The following TES variants were observed in gnomAD, a reference collection of about 807,000 sequenced individuals.
TES encodes testin.
In TES, 41 loss-of-function variants were observed where a neutral mutation model predicts 48.2. The observed-to-expected ratio is 0.85, with a 90% CI of 0.66 to 1.10. The LOEUF (loss-of-function observed/expected upper bound fraction) is 1.10, where lower values mean the gene tolerates loss of function less well. TES is among the 50% of genes least tolerant of loss of function. TES has a pLI of 0.00. For missense variants in TES, 463 were observed against 515.1 expected (o/e 0.90, Z 0.98); for synonymous variants, 162 against 174.9 (o/e 0.93, Z 0.58).
Position 116,257,606 on chromosome 7 carries a change from G to A in TES, c.*124G>A. Reference sequence around the variant, plus strand: ...ACTGTAAAGGAAACCAAGAGATTTTGTTTAATTTTTTTGGCCATTTTTTCT... The same window carrying A: ...ACTGTAAAGGAAACCAAGAGATTTTATTTAATTTTTTTGGCCATTTTTTCT... On this transcript the variant is annotated 3_prime_UTR_variant, in exon 7 of 7. Transcript: ENST00000358204. The A allele has an allele frequency of 9.9e-7, 1 of 1,008,064 alleles. No homozygotes were observed. The highest frequency in any genetic ancestry group is 1.3e-6 in the Non-Finnish European group (1 of 762,920). 62.4% of individuals were successfully genotyped at this position (1,008,064 alleles called of 1,614,324 possible).
At chr7:116,225,261 T>C (rs1408422604) in intron 1 of TES, among the ~76,000 whole-genome samples, 5 of 151,970 alleles carry the variant, frequency 3.3e-5, no homozygotes, top group Admixed American at 3.3e-4. Context: ...TCTTCAAATA[T>C]GTTACTGTAT....
chr7:116,242,221 C>T (rs1409703758), intron 2 of TES, among the ~76,000 whole-genome samples: 2 of 152,176 alleles, frequency 1.3e-5, no homozygotes, highest in African/African-American at 4.8e-5. Flanking sequence ...ATTCCCACTC[C>T]ACCTTCTTCC....
chr7:116,257,222 A>G, intron 6 of TES, 72 bp from the exon 7 acceptor site: 4 of 1,394,276 alleles, frequency 2.9e-6, no homozygotes, highest in Non-Finnish European at 3.9e-6. Context: ...CTAAAGAAAT[A>G]TGTCCTAAGA....
chr7:116,221,132 CT>C (rs1305087871), intron 1 of TES, among the ~76,000 whole-genome samples: 1 of 151,754 alleles, frequency 6.6e-6, no homozygotes, highest in Non-Finnish European at 1.5e-5. Context: ...TTAATATATC[CT>C]TTTGCTAATT....
chr7:116,216,324 C>T (rs1356487892), intron 1 of TES, among the ~76,000 whole-genome samples: 1 of 152,094 alleles, frequency 6.6e-6, no homozygotes, highest in Non-Finnish European at 1.5e-5. Context: ...GAAAGGTCTT[C>T]CATAGTGTAT....
At chr7:116,243,520 A>T (rs527349180) in intron 2 of TES, among the ~76,000 whole-genome samples, 2 of 152,080 alleles carry the variant, frequency 1.3e-5, no homozygotes, top group East Asian at 3.9e-4. Context: ...CACCAAATTT[A>T]TATTTCCTAC....
intron 1 of TES, among the ~76,000 whole-genome samples, chr7:116,212,158 ATTT>A (rs1414832363): frequency 7.9e-5 from 12 of 152,166 alleles, no homozygotes; most frequent in Non-Finnish European, 1.8e-4. Context: ...GAGCTACTTA[ATTT>A]AGTACTTGTC....
intron 1 of TES, 179 bp downstream of exon 1, chr7:116,210,913 G>A (rs1799429501): frequency 2.3e-6 from 1 of 430,266 alleles, no homozygotes; most frequent in Non-Finnish European, 3.8e-6. Context: ...GTGCTCGGCG[G>A]CCCCGCCAGC....
chr7:116,257,245 C>G, intron 6 of TES, 49 bp from the exon 7 acceptor site: 1 of 1,488,288 alleles, frequency 6.7e-7, no homozygotes, highest in Non-Finnish European at 9.1e-7. Flanking sequence ...AAAATGTTAC[C>G]ATTACAGCTT....
chr7:116,221,112 A>T (rs891533802), intron 1 of TES, among the ~76,000 whole-genome samples: 1 of 152,182 alleles, frequency 6.6e-6, no homozygotes, highest in Non-Finnish European at 1.5e-5. Context: ...GATATATTAA[A>T]TTACTGGATT....
In TES at chr7:116,229,027, TATATATAA is replaced by T. The variant is rs1470754864; in HGVS notation, c.28-5506_28-5499del. ...ATATATATATATATATATATATATA[TATATATAA>T]TCATTTCCTTAATATTTGGTAATTC... is the stretch of plus-strand genomic sequence containing the variant. On this transcript the variant is annotated intron_variant, in intron 1 of 6. Transcript: ENST00000358204. Among the ~76,000 whole-genome samples the T allele has an allele frequency of 3.4e-4, 37 of 108,390 alleles. 1 individual carries two copies. Among genetic ancestry groups the T allele is most frequent in the African/African-American group, 1.2e-3 (35 of 30,042 alleles). 71.1% of individuals were successfully genotyped at this position (108,390 alleles called of 152,430 possible).
rs1470724574 is a variant in TES at position 116,252,457 on chromosome 7, A to G, written c.1058A>G (p.Tyr353Cys). The change falls in exon 6 of 7, where the codon TAT (tyrosine) becomes TGT (cysteine). Residue 353 changes from tyrosine (Y) to cysteine (C), a missense_variant. Transcript: ENST00000358204. ...GACAAGCCCGTGTGCAAGCCCTGCT[A>G]TGTGAAGAATCACGCTGTGGTGAGA... ...VNDKPVCKPC[Y>C]VKNHAVVCQG... 6.2e-7 allele frequency: 1 copy of G among 1,614,230 alleles called. No individual in the cohort carries two copies. The highest frequency in any genetic ancestry group is 1.1e-5 in the South Asian group (1 of 91,092).
chr7:116,246,785 T>G (rs912724693), intron 2 of TES, among the ~76,000 whole-genome samples: 3 of 152,138 alleles, frequency 2.0e-5, no homozygotes, highest in Non-Finnish European at 2.9e-5. Context: ...TCTTATGGGG[T>G]CCCTTCTTCA....
chr7:116,241,919 A>G (rs1799854066), intron 2 of TES, among the ~76,000 whole-genome samples: 2 of 152,216 alleles, frequency 1.3e-5, no homozygotes, highest in Non-Finnish European at 2.9e-5. Context: ...CTTTCACAGT[A>G]AATATAACTT....
chr7:116,217,181 G>T (rs1433850927), intron 1 of TES, among the ~76,000 whole-genome samples: 3 of 152,140 alleles, frequency 2.0e-5, no homozygotes, highest in Admixed American at 2.0e-4. Flanking sequence ...CAGACAGTGA[G>T]CAATTTTGAT....
At chr7:116,254,811 TTA>T (rs1447962515) in intron 6 of TES, among the ~76,000 whole-genome samples, 2 of 151,392 alleles carry the variant, frequency 1.3e-5, no homozygotes, top group Non-Finnish European at 2.9e-5. Flanking sequence ...ATCATTTCTT[TTA>T]TGTTTACTTT....
chr7:116,238,944 T>A (rs1183910749), intron 2 of TES: 1 of 152,258 alleles, frequency 6.6e-6, no homozygotes, highest in Non-Finnish European at 1.5e-5. Context: ...ATAGGGGAGC[T>A]GGCTTAGCTG....
chr7:116,227,999 CTTTTT>C (rs67263287), intron 1 of TES, among the ~76,000 whole-genome samples: 3 of 141,980 alleles, frequency 2.1e-5, no homozygotes, highest in Admixed American at 1.4e-4. Context: ...GTTCCATAGT[CTTTTT>C]TTTGTTTTTT....
At chr7:116,254,529 T>G (rs192504299) in intron 6 of TES, among the ~76,000 whole-genome samples, 366 of 151,904 alleles carry the variant, frequency 2.4e-3, no homozygotes, top group African/African-American at 8.6e-3. Flanking sequence ...AGGTCAGGAG[T>G]TCGAGACCAG....
Sources: allele counts gnomAD v4.1 joint callset (sites outside exome capture counted in the v4.1 genomes callset), GRCh38; gene constraint gnomAD v4.1.1; transcripts MANE v1.5; gene names NCBI Gene and HGNC (gene_info 2026-07-23, HGNC 2026-07-21).